AKAP13: variants seen among roughly 807,000 people sequenced by gnomAD.
The protein encoded by AKAP13 is A-kinase anchor protein 13.
In AKAP13, 80 loss-of-function variants were observed where a neutral mutation model predicts 264.5. The ratio of observed to expected loss-of-function variants is 0.30; its 90% CI spans 0.25 to 0.36. AKAP13 has a LOEUF of 0.36. AKAP13 is among the 10% of genes least tolerant of loss of function. The pLI is 1.00. For missense variants in AKAP13, 3,712 were observed against 3,435.2 expected (o/e 1.08, Z -2.01); for synonymous variants, 1,380 against 1,250.2 (o/e 1.10, Z -2.19).
At chr15:85,652,175 C>T (rs2082887403) in intron 10 of AKAP13, among the ~76,000 whole-genome samples, 1 of 152,200 alleles carries the variant, frequency 6.6e-6, no homozygotes, top group South Asian at 2.1e-4. Flanking sequence ...CTAGACAGAT[C>T]TCTTTGTTTT....
chr15:85,552,806 G>GT (rs761596471), intron 5 of AKAP13, among the ~76,000 whole-genome samples: 5 of 150,766 alleles, frequency 3.3e-5, no homozygotes, highest in Non-Finnish European at 7.4e-5. Flanking sequence ...TTTTTTGTAT[G>GT]TTTTTTCACC....
chr15:85,694,805 A>T (rs1004473069), intron 17 of AKAP13, among the ~76,000 whole-genome samples: 2 of 152,208 alleles, frequency 1.3e-5, no homozygotes, highest in African/African-American at 4.8e-5. Context: ...ACATGATACT[A>T]TATCTATAAC....
chr15:85,424,715 T>C (rs1159666380), intron 1 of AKAP13, among the ~76,000 whole-genome samples: 1 of 152,252 alleles, frequency 6.6e-6, no homozygotes, highest in Non-Finnish European at 1.5e-5. Flanking sequence ...GCTTTCTGCC[T>C]GTCTCAGCTT....
chr15:85,518,708 T>C (rs6496038), intron 2 of AKAP13, among the ~76,000 whole-genome samples: 136,675 of 152,196 alleles, frequency 0.9, 61,559 homozygotes, highest in South Asian at 0.95. Context: ...GCATGCCTGT[T>C]GTCCCAGCTA....
chr15:85,655,863 G>C (rs559271302), intron 11 of AKAP13, 76 bp downstream of exon 11: 1 of 1,506,222 alleles, frequency 6.6e-7, no homozygotes, highest in South Asian at 1.4e-5. Context: ...TATTATTGTT[G>C]GTAAAAGAAT....
At chr15:85,404,468 T>C (rs1422794972) in intron 1 of AKAP13, among the ~76,000 whole-genome samples, 1 of 152,218 alleles carries the variant, frequency 6.6e-6, no homozygotes, top group Non-Finnish European at 1.5e-5. Flanking sequence ...GAGAAACATA[T>C]ATTGATTACT....
At chr15:85,468,897 G>A (rs1056086563) in intron 1 of AKAP13, among the ~76,000 whole-genome samples, 8 of 150,696 alleles carry the variant, frequency 5.3e-5, no homozygotes, top group Non-Finnish European at 1.0e-4. Context: ...CAGTTGATCT[G>A]GCCCTTATTA....
At chr15:85,635,386 T>G (rs1018793503) in intron 8 of AKAP13, among the ~76,000 whole-genome samples, 1 of 152,190 alleles carries the variant, frequency 6.6e-6, no homozygotes, top group Non-Finnish European at 1.5e-5. Context: ...TATTCAAATC[T>G]TTTACCCATT....
intron 16 of AKAP13, among the ~76,000 whole-genome samples, chr15:85,692,562 G>A (rs1000794190): frequency 6.6e-6 from 1 of 152,030 alleles, no homozygotes; most frequent in Non-Finnish European, 1.5e-5. Context: ...CTGAACCGAG[G>A]TCTGGTACCA....
chr15:85,708,037 A>C lies in AKAP13; in HGVS notation c.5483A>C (p.His1828Pro). ...TTTTCAGATTGCAGTGCTTTTGTCC[A>C]CAAAGGCTGCCGAGAAAGTCTAGCC... The part of the protein sequence containing the change: ...YTCANCSAFV[H>P]KGCRESLASC... The change falls in exon 18 of 37, where the codon CAC (histidine) becomes CCC (proline). Residue 1828 changes from histidine (H) to proline (P), a missense_variant. Transcript: ENST00000394518. The surrounding 1 kb of genome is among the most constrained non-coding windows in gnomAD (Gnocchi z 4.3). The C allele has an allele frequency of 6.2e-7, 1 of 1,613,990 alleles. No homozygotes were observed. The highest frequency in any genetic ancestry group is 8.5e-7 in the Non-Finnish European group (1 of 1,179,866).
At chr15:85,417,145 A>G (rs2072278342) in intron 1 of AKAP13, among the ~76,000 whole-genome samples, 1 of 152,048 alleles carries the variant, frequency 6.6e-6, no homozygotes, top group Non-Finnish European at 1.5e-5. Context: ...TTTGCCTTTT[A>G]TTGTTTTCTG....
intron 5 of AKAP13, among the ~76,000 whole-genome samples, chr15:85,560,757 A>C (rs1328406710): frequency 6.6e-6 from 1 of 152,178 alleles, no homozygotes; most frequent in Non-Finnish European, 1.5e-5. Context: ...CTTATCTTTT[A>C]CCTACTGATT....
chr15:85,397,955 A>G (rs947178517), intron 1 of AKAP13, among the ~76,000 whole-genome samples: 5 of 152,332 alleles, frequency 3.3e-5, no homozygotes, highest in Admixed American at 6.5e-5. Context: ...TTTAATCCTC[A>G]TAATTCTAAT....
chr15:85,658,467 G>C, intron 11 of AKAP13, 70 bp from the exon 12 acceptor site: 2 of 1,357,292 alleles, frequency 1.5e-6, no homozygotes, highest in Non-Finnish European at 2.1e-6. Context: ...TGTGGTGTCT[G>C]TATGTTTCAT....
chr15:85,742,879 T>C (rs185798052), intron 35 of AKAP13, among the ~76,000 whole-genome samples: 3 of 152,232 alleles, frequency 2.0e-5, no homozygotes, highest in Admixed American at 2.0e-4. Context: ...GCCAAATATA[T>C]TGGGGGTGGG....
At chr15:85,743,929 G>C (rs1567227845) in intron 36 of AKAP13, 104 bp downstream of exon 36, 1 of 1,353,440 alleles carries the variant, frequency 7.4e-7, no homozygotes, top group Admixed American at 2.7e-5. Flanking sequence ...GGACAGTTCA[G>C]ATGCTCAAAA....
Position 85,663,234 on chromosome 15 carries a change from C to T in AKAP13, c.4800-1329C>T, listed in dbSNP as rs557779008. Among the ~76,000 whole-genome samples, 14 of 150,910 alleles carry T rather than the reference C, an allele frequency of 9.3e-5. 1 individual carries two copies. The highest frequency in any genetic ancestry group is 2.2e-4 in the African/African-American group (9 of 41,036). ...CTAAGGCAGGAGAACCACTTGAATC[C>T]GGGAGATGGAGGTAGCAGTGAGCCA... On this transcript the variant is annotated intron_variant, in intron 12 of 36. Coordinates refer to ENST00000394518, the MANE Select transcript of AKAP13 (RefSeq NM_007200.5).
At chr15:85,462,615 A>G (rs1395568797) in intron 1 of AKAP13, among the ~76,000 whole-genome samples, 3 of 152,250 alleles carry the variant, frequency 2.0e-5, no homozygotes, top group Non-Finnish European at 4.4e-5. Flanking sequence ...AACTTAGCTG[A>G]TAAGGATTTT....
intron 3 of AKAP13, among the ~76,000 whole-genome samples, chr15:85,523,204 C>G (rs1399194104): frequency 2.0e-5 from 3 of 151,910 alleles, no homozygotes; most frequent in African/African-American, 7.3e-5. Context: ...CTGACCGGAC[C>G]CTATTGCTCT....
Sources: allele counts gnomAD v4.1 joint callset (sites outside exome capture counted in the v4.1 genomes callset), GRCh38; gene constraint gnomAD v4.1.1; non-coding constraint Gnocchi (gnomAD v3.1); transcripts MANE v1.5; gene names NCBI Gene and HGNC (gene_info 2026-07-23, HGNC 2026-07-21).